KAZN: variants seen among roughly 807,000 people sequenced by gnomAD.
The protein encoded by KAZN is kazrin.
A neutral mutation model predicts 87.4 loss-of-function variants in KAZN; 40 were observed. The observed-to-expected ratio is 0.46, with a 90% CI of 0.36 to 0.60. KAZN has a LOEUF of 0.60. KAZN is among the 20% of genes least tolerant of loss of function. The pLI is 0.00. For synonymous variants in KAZN, 466 were observed against 458.3 expected, an observed-to-expected ratio of 1.02 and a Z score of -0.22; for missense variants, 898 against 1,073.9, an observed-to-expected ratio of 0.84 and a Z score of 2.29.
chr1:14,302,778 A>G (rs879936129), intron 2 of KAZN, among the ~76,000 whole-genome samples: 1 of 152,226 alleles, frequency 6.6e-6, no homozygotes, highest in Non-Finnish European at 1.5e-5. Context: ...TCATAAATCT[A>G]TAGAAACCAA....
At chr1:14,488,738 T>G (rs1412836166) in intron 2 of KAZN, among the ~76,000 whole-genome samples, 1 of 152,202 alleles carries the variant, frequency 6.6e-6, no homozygotes, top group East Asian at 1.9e-4. Flanking sequence ...TTGTAATTCC[T>G]GCGATGTCTG....
intron 1 of KAZN, among the ~76,000 whole-genome samples, chr1:14,926,650 G>A (rs916827351): frequency 2.6e-5 from 4 of 152,220 alleles, no homozygotes; most frequent in African/African-American, 9.6e-5. Flanking sequence ...ACAGCCTGCC[G>A]TGGAAATGGT....
In KAZN at chr1:14,736,196, T is replaced by C. The variant is rs186996755; in HGVS notation, c.226+136973T>C. 3.7e-3 allele frequency among the ~76,000 whole-genome samples: 570 copies of C among 152,026 alleles called. 4 individuals carry two copies. Among genetic ancestry groups the C allele is most frequent in the Non-Finnish European group, 3.1e-3 (213 of 67,988 alleles). ...GTGGCTAAAAATGGGAAGGGGGTAC[T>C]TTTTAAAAATATAGGTTCCTGGGCC... On this transcript the variant is annotated intron_variant, in intron 1 of 14. Transcript: ENST00000376030.
chr1:14,668,491 G>A (rs1639718396), intron 1 of KAZN, among the ~76,000 whole-genome samples: 1 of 152,170 alleles, frequency 6.6e-6, no homozygotes, highest in Non-Finnish European at 1.5e-5. Flanking sequence ...CTCGGGAGTA[G>A]CCAGTGGACT....
chr1:14,337,059 GA>G (rs774571216), intron 2 of KAZN, among the ~76,000 whole-genome samples: 3 of 152,200 alleles, frequency 2.0e-5, no homozygotes, highest in Admixed American at 6.5e-5. Flanking sequence ...TTCCAAGTGG[GA>G]AAAATAACAA....
intron 1 of KAZN, chr1:14,180,305 C>G (rs1646169537): frequency 1.4e-6 from 1 of 705,308 alleles, no homozygotes; most frequent in Admixed American, 3.0e-5. Flanking sequence ...ATAGATGTGT[C>G]AAGTTCTTGA....
intron 1 of KAZN, among the ~76,000 whole-genome samples, chr1:14,664,277 A>T (rs1182701452): frequency 2.0e-5 from 3 of 152,186 alleles, no homozygotes; most frequent in Non-Finnish European, 4.4e-5. Context: ...TACTAAAACT[A>T]CAAAAATTAG....
intron 1 of KAZN, among the ~76,000 whole-genome samples, chr1:14,078,885 A>G (rs576848380): frequency 6.7e-4 from 102 of 152,246 alleles, no homozygotes; most frequent in Non-Finnish European, 1.1e-3. Flanking sequence ...GGATTTCACC[A>G]TGTTGAACAG....
rs1573238731 is a variant in KAZN at position 15,066,297 on chromosome 1, C to T, written c.1222+544C>T. On this transcript the variant is annotated intron_variant, in intron 8 of 14. Transcript: ENST00000376030. The surrounding 1 kb of genome is among the most constrained non-coding windows in gnomAD (Gnocchi z 4.3). ...CGTCCAAACCGCTACTCCTGGAGCCCGTCTGGCAGAGGATGTGGTCTGTTT... is the reference window on the plus strand; with the variant it reads ...CGTCCAAACCGCTACTCCTGGAGCCTGTCTGGCAGAGGATGTGGTCTGTTT... 9 of 985,798 alleles carry T rather than the reference C, an allele frequency of 9.1e-6. No homozygotes were observed. Among genetic ancestry groups the T allele is most frequent in the Non-Finnish European group, 9.6e-6 (8 of 830,262 alleles). 61.1% of individuals were successfully genotyped at this position (985,798 alleles called of 1,614,324 possible).
chr1:14,901,929 C>G (rs147458894), intron 1 of KAZN, among the ~76,000 whole-genome samples: 98 of 152,314 alleles, frequency 6.4e-4, no homozygotes, highest in South Asian at 3.7e-3. Flanking sequence ...CTGAAGCCAC[C>G]TCTCTTGAGT....
chr1:14,234,890 T>C (rs1417979281), intron 2 of KAZN, among the ~76,000 whole-genome samples: 1 of 152,236 alleles, frequency 6.6e-6, no homozygotes, highest in Non-Finnish European at 1.5e-5. Context: ...TGCAATTCTA[T>C]CTGGTTGAAG....
chr1:14,591,171 G>GCCCCC (rs75552123), intron 2 of KAZN, among the ~76,000 whole-genome samples: 1 of 147,424 alleles, frequency 6.8e-6, no homozygotes. Flanking sequence ...ATCAAATAGT[G>GCCCCC]CCCCCCCCCC....
At chr1:14,399,755 A>G (rs759426079) in intron 2 of KAZN, among the ~76,000 whole-genome samples, 4 of 152,036 alleles carry the variant, frequency 2.6e-5, no homozygotes, top group Non-Finnish European at 5.9e-5. Flanking sequence ...CCTGTGCTTC[A>G]AAGCCGTCGT....
Position 14,388,904 on chromosome 1 carries a change from G to T in KAZN, c.249+208312G>T, listed in dbSNP as rs369144272. ...TAGCAAAGGAAACAATCAACAAAGT[G>T]AATAGAAAACCCACAGAATGAGATA... On this transcript the variant is annotated intron_variant, in intron 2 of 16. Transcript: ENST00000636203. Among the ~76,000 whole-genome samples the T allele has an allele frequency of 1.6e-4, 24 of 151,882 alleles. No homozygotes were observed. The East Asian group carries it at 3.7e-3, about 23-fold the overall frequency.
chr1:14,913,877 G>A (rs954873591), intron 1 of KAZN, among the ~76,000 whole-genome samples: 21 of 152,236 alleles, frequency 1.4e-4, no homozygotes, highest in African/African-American at 4.6e-4. Flanking sequence ...CTGGAGCCCA[G>A]GCAGGTGGCC....
chr1:14,575,800 A>G (rs1466318641), intron 2 of KAZN, among the ~76,000 whole-genome samples: 3 of 152,186 alleles, frequency 2.0e-5, no homozygotes, highest in African/African-American at 7.2e-5. Context: ...GAACAATGCC[A>G]CTAAATAATT....
intron 8 of KAZN, among the ~76,000 whole-genome samples, chr1:15,082,545 G>A (rs1304023282): frequency 6.6e-6 from 1 of 152,226 alleles, no homozygotes; most frequent in Non-Finnish European, 1.5e-5. Flanking sequence ...TCCCATAGCT[G>A]CTGCCAAGGG....
chr1:14,341,078 G>GC (rs540526924), intron 2 of KAZN, among the ~76,000 whole-genome samples: 1 of 18,992 alleles, frequency 5.3e-5, no homozygotes, highest in East Asian at 2.8e-3. Flanking sequence ...AGTAGAGATT[G>GC]GGGGGGGTTT....
chr1:14,011,402 A>C (rs936287845), intron 1 of KAZN, among the ~76,000 whole-genome samples: 4 of 152,264 alleles, frequency 2.6e-5, no homozygotes, highest in Admixed American at 2.6e-4. Flanking sequence ...CCCAGTCTTC[A>C]CCTGGCTGCT....
Sources: allele counts gnomAD v4.1 joint callset (sites outside exome capture counted in the v4.1 genomes callset), GRCh38; gene constraint gnomAD v4.1.1; non-coding constraint Gnocchi (gnomAD v3.1); transcripts MANE v1.5; gene names NCBI Gene and HGNC (gene_info 2026-07-23, HGNC 2026-07-21).